Variants in GALNTL6 observed in about 807,000 individuals in gnomAD.
GALNTL6 encodes polypeptide N-acetylgalactosaminyltransferase-like 6.
In GALNTL6, 46 loss-of-function variants were observed where a neutral mutation model predicts 73.7. The observed-to-expected ratio is 0.62, with a 90% CI of 0.49 to 0.80. The LOEUF (loss-of-function observed/expected upper bound fraction) is 0.80, where lower values mean the gene tolerates loss of function less well. Among genes scored for constraint, GALNTL6 ranks in the 30% least tolerant of loss-of-function variants. The pLI, the probability that GALNTL6 is intolerant of heterozygous loss-of-function variation, is 0.00. For synonymous variants in GALNTL6, 259 were observed against 263.7 expected (o/e 0.98, Z 0.17); for missense variants, 604 against 755.0 (o/e 0.80, Z 2.34).
chr4:172,876,573 A>G (rs1034581151), intron 7 of GALNTL6, among the ~76,000 whole-genome samples: 4 of 152,190 alleles, frequency 2.6e-5, no homozygotes, highest in Non-Finnish European at 5.9e-5. Context: ...AATGACCCCC[A>G]GCCCAGGAAC....
intron 5 of GALNTL6, among the ~76,000 whole-genome samples, chr4:172,791,214 C>T (rs1292795420): frequency 6.6e-6 from 1 of 152,124 alleles, no homozygotes; most frequent in African/African-American, 2.4e-5. Flanking sequence ...GTATAATGGA[C>T]AGTTTAGGGT....
chr4:172,460,910 G>A (rs190518325), intron 5 of GALNTL6, among the ~76,000 whole-genome samples: 11 of 151,986 alleles, frequency 7.2e-5, no homozygotes, highest in East Asian at 5.8e-4. Flanking sequence ...ATAAAGATAC[G>A]TACACGTGTA....
chr4:172,173,319 CT>C (rs1208171790), intron 2 of GALNTL6, among the ~76,000 whole-genome samples: 1 of 152,210 alleles, frequency 6.6e-6, no homozygotes, highest in African/African-American at 2.4e-5. Context: ...GGAATAAACT[CT>C]GTCCTGGCAG....
At chr4:172,480,817 G>A (rs894438934) in intron 5 of GALNTL6, among the ~76,000 whole-genome samples, 14 of 152,290 alleles carry the variant, frequency 9.2e-5, no homozygotes, top group African/African-American at 3.4e-4. Context: ...TGTAGTTCAA[G>A]TTGGCCTTGG....
chr4:171,860,809 T>A (rs981158305), intron 2 of GALNTL6, among the ~76,000 whole-genome samples: 1 of 152,174 alleles, frequency 6.6e-6, no homozygotes, highest in Non-Finnish European at 1.5e-5. Context: ...CAGAATATAG[T>A]CATTTTTGCC....
chr4:172,308,003 C>CTTTTTTTTT lies in GALNTL6; in HGVS notation c.248-3589_248-3581dup, dbSNP rs70941399. On this transcript the variant is annotated intron_variant, in intron 3 of 12. Coordinates refer to ENST00000506823, the MANE Select transcript of GALNTL6 (RefSeq NM_001034845.3). ...TCCATGAGCATGGGATGTGTTTTAA[C>CTTTTTTTTT]TTTTTTTTTTTTTTTTTTTTTTTTT... Among the ~76,000 whole-genome samples, 28 of 34,586 alleles carry CTTTTTTTTT rather than the reference C, an allele frequency of 8.1e-4. 3 individuals carry two copies. The highest frequency in any genetic ancestry group is 1.2e-3 in the Non-Finnish European group (24 of 20,018). 22.7% of individuals were successfully genotyped at this position (34,586 alleles called of 152,430 possible).
intron 2 of GALNTL6, among the ~76,000 whole-genome samples, chr4:172,036,352 G>A (rs1465187258): frequency 1.3e-5 from 2 of 151,978 alleles, no homozygotes; most frequent in African/African-American, 2.4e-5. Context: ...AATCTTAAAA[G>A]TTTTAGGAAT....
rs1331014212 is a variant in GALNTL6, at chr4:173,041,316, CG to C, written c.*1220del. 6.6e-6 allele frequency: 1 copy of C among 151,112 alleles called. No individual in the cohort carries two copies. Among genetic ancestry groups the C allele is most frequent in the Non-Finnish European group, 1.5e-5 (1 of 67,880 alleles). 9.4% of individuals were successfully genotyped at this position (151,112 alleles called of 1,614,324 possible). A position where few individuals can be genotyped will look rare whatever the true frequency, so the allele number is the denominator to read the frequency against. On this transcript the variant is annotated 3_prime_UTR_variant, in exon 13 of 13. Transcript: ENST00000506823. ...ATTTTCTGTTAATGGGACAATATTT[CG>C]GGGATGAAGAAAGGAATGCTCCGAA...
At chr4:172,440,322 A>C (rs916797291) in intron 5 of GALNTL6, among the ~76,000 whole-genome samples, 20 of 152,114 alleles carry the variant, frequency 1.3e-4, no homozygotes, top group African/African-American at 4.6e-4. Flanking sequence ...TGAAATACTG[A>C]GCCATGAAAA....
intron 5 of GALNTL6, among the ~76,000 whole-genome samples, chr4:172,467,807 TTTCTTTCTTTCTTTC>T (rs1732878700): frequency 1.4e-4 from 1 of 7,000 alleles, no homozygotes; most frequent in African/African-American, 3.8e-4. Flanking sequence ...CATTTTACAT[TTTCTTTCTTTCTTTC>T]TTTCTTTCTT....
At position 171,830,108 on chromosome 4, in the gene GALNTL6, C is replaced by T. The variant is rs573306890; in HGVS notation, c.138+15390C>T. ...TACCAAGGAGAAGGCAATGTGCAGA[C>T]GAAGGCAGGAATTAGAGTGATGTGG... On this transcript the variant is annotated intron_variant, in intron 2 of 12. Transcript: ENST00000506823. Among the ~76,000 whole-genome samples the T allele has an allele frequency of 2.9e-3, 435 of 152,048 alleles. 1 individual carries two copies. The highest frequency in any genetic ancestry group is 9.3e-3 in the African/African-American group (384 of 41,488).
chr4:171,996,978 C>A (rs971549252), intron 2 of GALNTL6, among the ~76,000 whole-genome samples: 2 of 152,080 alleles, frequency 1.3e-5, no homozygotes, highest in African/African-American at 4.8e-5. Context: ...AAACAACATT[C>A]TTTGCCATCT....
chr4:172,338,481 C>G (rs1056377280), intron 4 of GALNTL6, among the ~76,000 whole-genome samples: 1 of 152,098 alleles, frequency 6.6e-6, no homozygotes, highest in Non-Finnish European at 1.5e-5. Flanking sequence ...CCCTCTACCC[C>G]CTTCCTGGGG....
At chr4:172,714,699 C>T (rs1273724113) in intron 5 of GALNTL6, among the ~76,000 whole-genome samples, 1 of 152,064 alleles carries the variant, frequency 6.6e-6, no homozygotes, top group Non-Finnish European at 1.5e-5. Context: ...TCAATCAATA[C>T]ATAGGCCATT....
chr4:171,831,168 C>T (rs776710206), intron 2 of GALNTL6, among the ~76,000 whole-genome samples: 1 of 152,044 alleles, frequency 6.6e-6, no homozygotes, highest in African/African-American at 2.4e-5. Context: ...ACAACCCCCA[C>T]TCTTTTTAAG....
intron 5 of GALNTL6, among the ~76,000 whole-genome samples, chr4:172,601,419 G>T (rs953965798): frequency 6.6e-6 from 1 of 152,100 alleles, no homozygotes; most frequent in Non-Finnish European, 1.5e-5. Context: ...CCCTCCTGCT[G>T]CAGTAAGTGC....
At chr4:172,965,935 C>G (rs999890148) in intron 10 of GALNTL6, among the ~76,000 whole-genome samples, 1 of 152,144 alleles carries the variant, frequency 6.6e-6, no homozygotes, top group Non-Finnish European at 1.5e-5. Context: ...ATCAATTCAT[C>G]TTAGTATTTA....
intron 2 of GALNTL6, among the ~76,000 whole-genome samples, chr4:171,908,339 C>G (rs1049305601): frequency 6.6e-6 from 1 of 151,980 alleles, no homozygotes; most frequent in African/African-American, 2.4e-5. Flanking sequence ...GGGAGAAGGA[C>G]ATGAACAGAC....
In GALNTL6 at chr4:172,632,281, C is replaced by G. The variant is rs558764471; in HGVS notation, c.554-177080C>G. ...ACTGGGTAACAGGCAGAGGCTGGAA[C>G]AGTTTGGAAGCTCAGAAGAGGACGG... is the stretch of plus-strand genomic sequence containing the variant. On this transcript the variant is annotated intron_variant, in intron 5 of 12. Transcript: ENST00000506823. Among the ~76,000 whole-genome samples, 4 of 152,310 alleles carry G rather than the reference C, an allele frequency of 2.6e-5. No individual in the cohort carries two copies. In the South Asian group the frequency reaches 8.3e-4, roughly 32 times the overall value.
Sources: allele counts gnomAD v4.1 joint callset (sites outside exome capture counted in the v4.1 genomes callset), GRCh38; gene constraint gnomAD v4.1.1; transcripts MANE v1.5; gene names NCBI Gene and HGNC (gene_info 2026-07-23, HGNC 2026-07-21).